The following HK1 variants were observed in gnomAD, a reference collection of about 807,000 sequenced individuals.
The protein encoded by HK1 is hexokinase 1.
In HK1, 28 loss-of-function variants were observed where a neutral mutation model predicts 91.6. The ratio of observed to expected loss-of-function variants is 0.31; its 90% CI spans 0.23 to 0.42. HK1 has a LOEUF of 0.42. Ranked by LOEUF, HK1 falls within the 10% of genes least tolerant of loss-of-function variation. The pLI, the probability that HK1 is intolerant of heterozygous loss-of-function variation, is 1.00. For synonymous variants in HK1, 430 were observed against 468.1 expected (o/e 0.92, Z 1.05); for missense variants, 770 against 1,219.8 (o/e 0.63, Z 5.49).
intron 2 of HK1, among the ~76,000 whole-genome samples, chr10:69,284,333 G>T (rs777540545): frequency 6.6e-6 from 1 of 152,052 alleles, no homozygotes; most frequent in Non-Finnish European, 1.5e-5. Context: ...ATGCCTGTGA[G>T]GTATTATATT....
Position 69,364,921 on chromosome 10 carries a change from T to G in HK1, c.495+19T>G. ...AGATGAGGTAAGGATGTTCTGGGATTATCGGGCTCTGCAGATGCCCCGGGA... is the reference window on the plus strand; with the variant it reads ...AGATGAGGTAAGGATGTTCTGGGATGATCGGGCTCTGCAGATGCCCCGGGA... On this transcript the variant is annotated intron_variant, in intron 4 of 17. Transcript: ENST00000359426. The G allele has an allele frequency of 6.2e-7, 1 of 1,614,078 alleles. No homozygotes were observed. Among genetic ancestry groups the G allele is most frequent in the Non-Finnish European group, 8.5e-7 (1 of 1,179,968 alleles).
intron 4 of HK1, among the ~76,000 whole-genome samples, chr10:69,297,279 G>A (rs958439473): frequency 6.6e-6 from 1 of 152,126 alleles, no homozygotes; most frequent in African/African-American, 2.4e-5. Context: ...AAGTGGGAGT[G>A]GATCACCATG....
intron 1 of HK1, chr10:69,338,561 C>G: frequency 3.1e-6 from 4 of 1,289,662 alleles, no homozygotes; most frequent in Non-Finnish European, 4.0e-6. Context: ...GTGTCCTCCC[C>G]AACTCCCAAA....
At chr10:69,351,548 A>C (rs954226869) in intron 2 of HK1, among the ~76,000 whole-genome samples, 1 of 151,932 alleles carries the variant, frequency 6.6e-6, no homozygotes, top group Non-Finnish European at 1.5e-5. Context: ...AAACAAAAAA[A>C]CCCAAAGCTA....
upstream of HK1, among the ~76,000 whole-genome samples, chr10:69,315,159 G>T (rs1193761967): frequency 6.6e-6 from 1 of 152,226 alleles, no homozygotes; most frequent in Non-Finnish European, 1.5e-5. Flanking sequence ...TCACCAGGCT[G>T]TTATCAGGAG....
In HK1 at chr10:69,398,905, A is replaced by G. The variant is rs1840263226; in HGVS notation, c.2609+77A>G. On this transcript the variant is annotated intron_variant, in intron 17 of 17. Transcript: ENST00000359426. ...GTTAGGGGGTATCAGGGTGTGGTTTACGCTGGGGAAATGCCCTGCGGGAGC... is the reference window on the plus strand; with the variant it reads ...GTTAGGGGGTATCAGGGTGTGGTTTGCGCTGGGGAAATGCCCTGCGGGAGC... 1.7e-6 allele frequency: 2 copies of G among 1,160,078 alleles called. 1 individual carries two copies. The highest frequency in any genetic ancestry group is 3.0e-5 in the African/African-American group (2 of 65,972). 71.9% of individuals were successfully genotyped at this position (1,160,078 alleles called of 1,614,324 possible).
chr10:69,365,008 A>C (rs1849628963), intron 4 of HK1, 106 bp downstream of exon 4: 1 of 1,254,790 alleles, frequency 8.0e-7, no homozygotes, highest in Non-Finnish European at 1.2e-6. Flanking sequence ...AATGGTTTGC[A>C]TGTCTGGTAT....
intron 17 of HK1, among the ~76,000 whole-genome samples, chr10:69,399,049 A>T (rs1287050570): frequency 6.6e-6 from 1 of 152,210 alleles, no homozygotes; most frequent in Non-Finnish European, 1.5e-5. Flanking sequence ...TCACTTGGCC[A>T]GCTCACACCA....
chr10:69,363,255 A>C (rs1490736475), intron 3 of HK1, among the ~76,000 whole-genome samples: 1 of 152,230 alleles, frequency 6.6e-6, no homozygotes, highest in Non-Finnish European at 1.5e-5. Flanking sequence ...AGGCTGTGGC[A>C]TGGCTGCCAA....
chr10:69,301,789 A>G (rs953420214), intron 5 of HK1, among the ~76,000 whole-genome samples: 16 of 152,164 alleles, frequency 1.1e-4, no homozygotes, highest in Admixed American at 7.9e-4. Flanking sequence ...AAACTCCCCA[A>G]ATTAATATAT....
At chr10:69,305,846 C>G (rs1846076341) in intron 5 of HK1, among the ~76,000 whole-genome samples, 1 of 146,600 alleles carries the variant, frequency 6.8e-6, no homozygotes, top group African/African-American at 2.5e-5. Context: ...GAGTGAGACT[C>G]TGTCTCAAAA....
upstream of HK1, among the ~76,000 whole-genome samples, chr10:69,316,485 A>G (rs189918556): frequency 5.3e-4 from 81 of 152,352 alleles, 1 homozygote; most frequent in East Asian, 3.9e-3. Context: ...GCCTAGAGAC[A>G]TTTCTCAGGA....
At chr10:69,305,087 T>A (rs1037605018) in intron 5 of HK1, among the ~76,000 whole-genome samples, 1 of 152,176 alleles carries the variant, frequency 6.6e-6, no homozygotes, top group Non-Finnish European at 1.5e-5. Context: ...TCCCTTCACA[T>A]GGCGTTCTCC....
intron 2 of HK1, among the ~76,000 whole-genome samples, chr10:69,285,713 G>T (rs1334971416): frequency 6.6e-6 from 1 of 152,158 alleles, no homozygotes; most frequent in Non-Finnish European, 1.5e-5. Flanking sequence ...ACCAGAGAGA[G>T]GGCCAGTTAC....
intron 10 of HK1, 72 bp downstream of exon 10, chr10:69,382,863 G>A (rs1839462698): frequency 6.7e-7 from 1 of 1,497,332 alleles, no homozygotes; most frequent in African/African-American, 1.4e-5. Context: ...GGGGAGGTTG[G>A]ATTCGCCAGT....
Position 69,369,176 on chromosome 10 carries a change from A to G in HK1, c.592-61A>G. On this transcript the variant is annotated intron_variant, in intron 5 of 17. Transcript: ENST00000359426. The surrounding 1 kb of genome is among the most constrained non-coding windows in gnomAD (Gnocchi z 4.4). ...GGAGCACTTCTGCCAAGCGCTGTTAAGGTGTGTGATCTCTGCTCCCATGTG... is the reference window on the plus strand; with the variant it reads ...GGAGCACTTCTGCCAAGCGCTGTTAGGGTGTGTGATCTCTGCTCCCATGTG... The G allele has an allele frequency of 1.6e-6, 2 of 1,253,838 alleles. No homozygotes were observed. Among genetic ancestry groups the G allele is most frequent in the African/African-American group, 1.5e-5 (1 of 68,098 alleles). The allele number at this position is 1,253,838 out of a possible 1,614,324, so 77.7% of individuals were successfully genotyped here.
At chr10:69,271,556 A>C (rs1247105472) in intron 1 of HK1, among the ~76,000 whole-genome samples, 1 of 150,322 alleles carries the variant, frequency 6.7e-6, no homozygotes, top group Non-Finnish European at 1.5e-5. Context: ...GGCTCACCAC[A>C]AGCTCTGCCT....
intron 9 of HK1, among the ~76,000 whole-genome samples, chr10:69,381,388 A>T (rs4537657): frequency 0.28 from 42,721 of 152,110 alleles, 9,638 homozygotes; most frequent in African/African-American, 0.63. Context: ...ATTTGCAAAA[A>T]TCTTGATAAT....
chr10:69,380,948 A>G lies in HK1; in HGVS notation c.1265+853A>G, dbSNP rs554739944. 1.1e-4 allele frequency among the ~76,000 whole-genome samples: 17 copies of G among 152,358 alleles called. No homozygotes were observed. In the South Asian group the frequency reaches 3.3e-3, roughly 30 times the overall value. On this transcript the variant is annotated intron_variant, in intron 9 of 17. Transcript: ENST00000359426. This position sits in a 1 kb window ranked among gnomAD's most constrained non-coding sequence, Gnocchi z 4.0. ...AATACAATGTGCATGTGAAGCACCC[A>G]TGTCAGTACTGCACCTTCACACCCA...
Sources: allele counts gnomAD v4.1 joint callset (sites outside exome capture counted in the v4.1 genomes callset), GRCh38; gene constraint gnomAD v4.1.1; non-coding constraint Gnocchi (gnomAD v3.1); transcripts MANE v1.5; gene names NCBI Gene and HGNC (gene_info 2026-07-23, HGNC 2026-07-21).